The following CATSPERT variants were observed in gnomAD, a reference collection of about 807,000 sequenced individuals.
CATSPERT encodes catsper channel auxiliary subunit tau, also known as cation channel sperm-associated targeting subunit tau.
the CATSPERT span, chr2:201,558,355 G>A: frequency 2.6e-5 from 4 of 152,258 alleles, no homozygotes; most frequent in Admixed American, 2.6e-4. Flanking sequence ...CACTCCCACA[G>A]GAAAGGACCA....
chr2:201,554,028 T>C, the CATSPERT span: 1 of 152,206 alleles, frequency 6.6e-6, no homozygotes, highest in East Asian at 1.9e-4. Context: ...AATGAGTGAC[T>C]TAAGTATGGC....
At chr2:201,496,428 T>C in the CATSPERT span, among the ~76,000 whole-genome samples, 5 of 152,334 alleles carry the variant, frequency 3.3e-5, no homozygotes, top group East Asian at 7.7e-4. Context: ...CTGCAACCTC[T>C]GCCTCCTGGG....
At chr2:201,613,992 GA>G in the CATSPERT span, among the ~76,000 whole-genome samples, 1 of 152,194 alleles carries the variant, frequency 6.6e-6, no homozygotes, top group African/African-American at 2.4e-5. Flanking sequence ...AATGAAGTGA[GA>G]AGAGAAGTTG....
chr2:201,609,387 A>C, the CATSPERT span, among the ~76,000 whole-genome samples: 1 of 152,208 alleles, frequency 6.6e-6, no homozygotes, highest in Admixed American at 6.5e-5. Context: ...TACCGAATAC[A>C]TACTCTTCTC....
the CATSPERT span, among the ~76,000 whole-genome samples, chr2:201,533,841 G>A: frequency 2.6e-5 from 4 of 152,214 alleles, no homozygotes; most frequent in East Asian, 7.7e-4. Flanking sequence ...AAGTTAGTGA[G>A]GGTGACCCTG....
the CATSPERT span, among the ~76,000 whole-genome samples, chr2:201,538,316 TC>T: frequency 1.5e-3 from 226 of 152,206 alleles, 1 homozygote; most frequent in African/African-American, 5.3e-3. Context: ...TCAAGGTCCA[TC>T]CACGTTGTCA....
At chr2:201,493,107 A>G in the CATSPERT span, 1 of 1,528,784 alleles carries the variant, frequency 6.5e-7, no homozygotes, top group South Asian at 1.2e-5. Context: ...ATTTGAAAAA[A>G]ACATTGAAGA....
At chr2:201,535,535 C>T in the CATSPERT span, 8 of 951,436 alleles carry the variant, frequency 8.4e-6, no homozygotes, top group Non-Finnish European at 1.0e-5. Context: ...ACTGAAATAA[C>T]TCCTCAGGCT....
the CATSPERT span, among the ~76,000 whole-genome samples, chr2:201,536,946 T>G: frequency 6.6e-6 from 1 of 151,848 alleles, no homozygotes; most frequent in Non-Finnish European, 1.5e-5. Flanking sequence ...AACATTTTAC[T>G]CTTCACTGAT....
At chr2:201,591,349 T>C in the CATSPERT span, among the ~76,000 whole-genome samples, 1 of 152,240 alleles carries the variant, frequency 6.6e-6, no homozygotes, top group South Asian at 2.1e-4. Flanking sequence ...TCTATATCTC[T>C]CTTTTGGTAC....
the CATSPERT span, among the ~76,000 whole-genome samples, chr2:201,605,618 C>A: frequency 1.3e-5 from 2 of 151,978 alleles, no homozygotes. Context: ...TGACCATGGC[C>A]AAGAAATACG....
At chr2:201,583,252 A>G in the CATSPERT span, among the ~76,000 whole-genome samples, 1 of 151,428 alleles carries the variant, frequency 6.6e-6, no homozygotes, top group African/African-American at 2.5e-5. Context: ...ACAAGACATG[A>G]TACATTTAAC....
chr2:201,491,655 T>C, the CATSPERT span: 5 of 1,537,030 alleles, frequency 3.3e-6, no homozygotes, highest in African/African-American at 2.7e-5. Flanking sequence ...AGTACTCATC[T>C]TCCCTTGGCA....
At chr2:201,505,620 AAAC>A in the CATSPERT span, among the ~76,000 whole-genome samples, 76,187 of 151,472 alleles carry the variant, frequency 0.5, 20,555 homozygotes, top group African/African-American at 0.71. Context: ...GTCATGTTAA[AAAC>A]AACAACAACA....
the CATSPERT span, among the ~76,000 whole-genome samples, chr2:201,551,557 G>T: frequency 6.6e-6 from 1 of 152,176 alleles, no homozygotes; most frequent in Non-Finnish European, 1.5e-5. Flanking sequence ...CTGTACTACT[G>T]TAATAATTTT....
chr2:201,489,048 G>A, the CATSPERT span, among the ~76,000 whole-genome samples: 3 of 152,130 alleles, frequency 2.0e-5, no homozygotes, highest in Non-Finnish European at 2.9e-5. Context: ...GTGCTCCTAC[G>A]ACTCAATTTC....
the CATSPERT span, among the ~76,000 whole-genome samples, chr2:201,519,132 A>G: frequency 1.3e-5 from 2 of 152,194 alleles, no homozygotes; most frequent in South Asian, 4.1e-4. Flanking sequence ...CCCAAATCCC[A>G]TAAGCTGAAT....
chr2:201,496,608 G>A, the CATSPERT span, among the ~76,000 whole-genome samples: 4 of 152,354 alleles, frequency 2.6e-5, no homozygotes, highest in African/African-American at 4.8e-5. Flanking sequence ...CTCCCAAAGT[G>A]CTGGGATTAC....
At chr2:201,582,312 A>ATAT in the CATSPERT span, 195 of 1,195,910 alleles carry the variant, frequency 1.6e-4, no homozygotes, top group African/African-American at 2.5e-3. Flanking sequence ...TATTATGCAA[A>ATAT]TATTATTATG....
Sources: allele counts gnomAD v4.1 joint callset (sites outside exome capture counted in the v4.1 genomes callset), GRCh38; gene constraint gnomAD v4.1.1; transcripts MANE v1.5; gene names NCBI Gene and HGNC (gene_info 2026-07-23, HGNC 2026-07-21).